Variants in CREB5 observed in about 807,000 individuals in gnomAD.
The protein encoded by CREB5 is cyclic AMP-responsive element-binding protein 5.
A neutral mutation model predicts 57.1 loss-of-function variants in CREB5; 19 were observed. That is an observed-to-expected ratio of 0.33 (90% CI 0.23 to 0.49). CREB5 has a LOEUF of 0.49. CREB5 is among the 20% of genes least tolerant of loss of function. The probability of loss-of-function intolerance (pLI) is 0.99; values close to 1 mark genes in which losing one functional copy is unlikely to be tolerated. For synonymous variants in CREB5, 238 were observed against 238.3 expected (o/e 1.00, Z 0.01); for missense variants, 579 against 671.6 (o/e 0.86, Z 1.52).
At chr7:28,441,508 T>C (rs1416715359) in intron 1 of CREB5, among the ~76,000 whole-genome samples, 1 of 152,216 alleles carries the variant, frequency 6.6e-6, no homozygotes, top group Non-Finnish European at 1.5e-5. Flanking sequence ...CCAGAATGAT[T>C]GAGAGGATTA....
chr7:28,516,720 C>A (rs969214616), intron 4 of CREB5, among the ~76,000 whole-genome samples: 2 of 152,234 alleles, frequency 1.3e-5, no homozygotes, highest in African/African-American at 4.8e-5. Flanking sequence ...ACTTTCTCAT[C>A]AGGGTGATTG....
intron 4 of CREB5, among the ~76,000 whole-genome samples, chr7:28,523,355 A>G (rs561807010): frequency 6.6e-6 from 1 of 152,316 alleles, no homozygotes; most frequent in East Asian, 1.9e-4. Context: ...TACTCCCATT[A>G]TGTTCTCCCA....
At chr7:28,347,637 C>T (rs1016811638) in intron 1 of CREB5, among the ~76,000 whole-genome samples, 9 of 152,172 alleles carry the variant, frequency 5.9e-5, no homozygotes, top group African/African-American at 1.9e-4. Context: ...CCCCGCTCCC[C>T]ACCCCAGAGT....
intron 4 of CREB5, among the ~76,000 whole-genome samples, chr7:28,528,731 G>T (rs1319062014): frequency 7.0e-6 from 1 of 142,458 alleles, no homozygotes; most frequent in African/African-American, 2.6e-5. Flanking sequence ...AAAAAAAAGA[G>T]CGTGATTATA....
At chr7:28,771,847 CT>C (rs1407503454) in intron 7 of CREB5, among the ~76,000 whole-genome samples, 1 of 152,132 alleles carries the variant, frequency 6.6e-6, no homozygotes, top group East Asian at 1.9e-4. Context: ...TTGTTTGTAA[CT>C]TTTTTCTTTG....
intron 5 of CREB5, among the ~76,000 whole-genome samples, chr7:28,607,735 CTGTGTGTGTG>C (rs573980917): frequency 0.16 from 20,218 of 129,010 alleles, 1,688 homozygotes; most frequent in Middle Eastern, 0.19. Context: ...GCCCACAGGG[CTGTGTGTGTG>C]TGTGTGTGTG....
intron 4 of CREB5, among the ~76,000 whole-genome samples, chr7:28,530,189 T>G (rs1793659854): frequency 6.6e-6 from 1 of 152,206 alleles, no homozygotes; most frequent in Non-Finnish European, 1.5e-5. Flanking sequence ...GCTTTTGAAT[T>G]GGTACACACT....
chr7:28,540,561 T>C (rs2128627691), intron 4 of CREB5, among the ~76,000 whole-genome samples: 1 of 152,334 alleles, frequency 6.6e-6, no homozygotes, highest in Non-Finnish European at 1.5e-5. Flanking sequence ...CACATCCAAA[T>C]GAATTCTTCT....
In CREB5 at chr7:28,691,612, C is replaced by T. The variant is rs117902426; in HGVS notation, c.465-27141C>T. On this transcript the variant is annotated intron_variant, in intron 5 of 10. Coordinates refer to ENST00000357727, the MANE Select transcript of CREB5 (RefSeq NM_182898.4). Reference sequence around the variant, plus strand: ...GAGGCAAGTGGAAGGGTTAGGATGGCGGGTAGTGGAATTAGACAACATCTC... The same window carrying T: ...GAGGCAAGTGGAAGGGTTAGGATGGTGGGTAGTGGAATTAGACAACATCTC... 6.3e-3 allele frequency among the ~76,000 whole-genome samples: 964 copies of T among 151,872 alleles called. 6 individuals are homozygous for T. The highest frequency in any genetic ancestry group is 0.013 in the Admixed American group (205 of 15,260).
chr7:28,804,394 C>T lies in CREB5; in HGVS notation c.898C>T (p.His300Tyr). 1 of 1,613,926 alleles carries T rather than the reference C, an allele frequency of 6.2e-7. No homozygotes were observed. The highest frequency in any genetic ancestry group is 8.5e-7 in the Non-Finnish European group (1 of 1,179,926). The change falls in exon 8 of 11, where the codon CAT becomes TAT. Residue 300 changes from histidine to tyrosine, a missense_variant. His to Tyr is a moderately conservative substitution (Grantham distance 83). Around this residue, in one of 3 missense-constraint regions of CREB5, gnomAD observed 459 missense variants for 515.7 expected, o/e 0.89. Coordinates refer to ENST00000357727, the MANE Select transcript of CREB5 (RefSeq NM_182898.4). ...YPHQHQHPAH[H>Y]PHPQPHHQQN... ...ACACCAGCACCAGCACCCAGCACAC[C>T]ATCCTCACCCTCAACCCCATCACCA...
At chr7:28,688,797 T>G (rs1201626551) in intron 5 of CREB5, among the ~76,000 whole-genome samples, 1 of 152,248 alleles carries the variant, frequency 6.6e-6, no homozygotes, top group Non-Finnish European at 1.5e-5. Flanking sequence ...TTAGTCATTG[T>G]GCATAGTTTG....
At chr7:28,686,343 T>C (rs1800908152) in intron 5 of CREB5, 1 of 648,410 alleles carries the variant, frequency 1.5e-6, no homozygotes, top group Non-Finnish European at 2.7e-6. Flanking sequence ...GTTTCTCCTC[T>C]TCTTCCTTCT....
At chr7:28,375,603 GA>G (rs200904725) in intron 1 of CREB5, among the ~76,000 whole-genome samples, 12 of 137,236 alleles carry the variant, frequency 8.7e-5, no homozygotes, top group Middle Eastern at 7.0e-3. Context: ...AAGAAAAAAG[GA>G]AAAAAAAACA....
rs42704 is a variant in CREB5, at chr7:28,404,319, G to T, written c.-24-90587G>T. Among the ~76,000 whole-genome samples the T allele has an allele frequency of 2.2e-3, 334 of 151,978 alleles. 3 individuals are homozygous for T. The highest frequency in any genetic ancestry group is 7.6e-3 in the African/African-American group (316 of 41,448). On this transcript the variant is annotated intron_variant, in intron 1 of 9. Coordinates refer to the CREB5 transcript ENST00000396299. ...GTTTATGTTTCTTGGGATGCCATTG[G>T]TTTTTTTTGCATCCCAAGAAAGTTC...
At chr7:28,746,366 G>T (rs376080650) in intron 7 of CREB5, among the ~76,000 whole-genome samples, 2 of 152,096 alleles carry the variant, frequency 1.3e-5, no homozygotes, top group African/African-American at 4.8e-5. Flanking sequence ...TACCACAAAG[G>T]CTACTTCCAG....
intron 4 of CREB5, among the ~76,000 whole-genome samples, chr7:28,519,260 T>TATGTTTTAGGCAC (rs1322467796): frequency 1.3e-5 from 2 of 152,170 alleles, no homozygotes; most frequent in African/African-American, 2.4e-5. Flanking sequence ...TACATGTGTA[T>TATGTTTTAGGCAC]ATGTTTTAGG....
intron 1 of CREB5, among the ~76,000 whole-genome samples, chr7:28,467,031 AC>A (rs1406871406): frequency 1.3e-5 from 2 of 152,208 alleles, no homozygotes; most frequent in East Asian, 3.9e-4. Flanking sequence ...CCAAGGGAAG[AC>A]CCCATAGGGG....
At chr7:28,502,137 T>C (rs1792298579) in intron 3 of CREB5, among the ~76,000 whole-genome samples, 1 of 152,194 alleles carries the variant, frequency 6.6e-6, no homozygotes. Flanking sequence ...AACAGTAACA[T>C]CAGTGTTACT....
chr7:28,429,942 A>C (rs1405905327), intron 1 of CREB5, among the ~76,000 whole-genome samples: 1 of 152,228 alleles, frequency 6.6e-6, no homozygotes, highest in Admixed American at 6.5e-5. Context: ...ACAGGAAATG[A>C]TAATGAAAGA....
Sources: gnomAD v4.1 joint callset for allele counts (sites outside exome capture counted in the v4.1 genomes callset) on GRCh38, gnomAD v4.1.1 for gene constraint, gnomAD v4.1.1 regional missense constraint, MANE v1.5 for transcripts, NCBI Gene and HGNC (gene_info 2026-07-23, HGNC 2026-07-21) for gene names.